Variants in SIK2 observed in about 807,000 individuals in gnomAD.
The protein encoded by SIK2 is serine/threonine-protein kinase SIK2.
SIK2 carries 29 observed loss-of-function variants against 103.2 expected under a neutral mutation model. That is an observed-to-expected ratio of 0.28 (90% CI 0.21 to 0.38). The LOEUF (loss-of-function observed/expected upper bound fraction) is 0.38, where lower values mean the gene tolerates loss of function less well. Ranked by LOEUF, SIK2 falls within the 10% of genes least tolerant of loss-of-function variation. The pLI is 1.00. For missense variants in SIK2, 879 were observed against 1,171.0 expected (o/e 0.75, Z 3.64); for synonymous variants, 412 against 446.1 (o/e 0.92, Z 0.96).
At chr11:111,698,120 A>G (rs558974273) in intron 4 of SIK2, among the ~76,000 whole-genome samples, 1 of 152,230 alleles carries the variant, frequency 6.6e-6, no homozygotes, top group Non-Finnish European at 1.5e-5. Context: ...GTTTCTTTTA[A>G]TATCCCTATA....
In SIK2 at chr11:111,720,955, G is replaced by A; in HGVS notation, c.1837G>A (p.Glu613Lys). The A allele has an allele frequency of 6.2e-7, 1 of 1,614,132 alleles. No homozygotes were observed. The highest frequency in any genetic ancestry group is 8.5e-7 in the Non-Finnish European group (1 of 1,180,016). ...QNLARTKGIL[E>K]LNKVQLLYEQ... is the part of the protein sequence containing the mutation. The stretch of plus-strand genomic sequence containing the variant: ...TCTGGCTAGAACCAAAGGAATTCTA[G>A]AGTTGAACAAAGTGCAGTTGTTGTA... The change falls in exon 12 of 15, where the codon GAG becomes AAG. Residue 613 changes from glutamate (E) to lysine (K), a missense_variant. This residue lies in a region of SIK2 where 375 missense variants were observed against 416.3 expected (regional missense o/e 0.90). Coordinates refer to ENST00000304987, the MANE Select transcript of SIK2 (RefSeq NM_015191.3).
intron 3 of SIK2, among the ~76,000 whole-genome samples, chr11:111,626,934 G>C (rs1056773958): frequency 6.6e-6 from 1 of 151,966 alleles, no homozygotes; most frequent in Admixed American, 6.6e-5. Flanking sequence ...TTTTCCATGT[G>C]GTCAGTTAAA....
intron 6 of SIK2, among the ~76,000 whole-genome samples, chr11:111,702,483 G>C (rs1943236965): frequency 6.6e-6 from 1 of 152,156 alleles, no homozygotes; most frequent in African/African-American, 2.4e-5. Context: ...TAGCTACTCA[G>C]GAAGCTGAGG....
At chr11:111,693,745 C>T (rs540087602) in intron 4 of SIK2, among the ~76,000 whole-genome samples, 9 of 152,116 alleles carry the variant, frequency 5.9e-5, no homozygotes, top group African/African-American at 1.9e-4. Flanking sequence ...AACCTTGGGC[C>T]GATTATTTAC....
At chr11:111,668,518 GCTATGACCAGTCACA>G (rs1942580390) in intron 3 of SIK2, among the ~76,000 whole-genome samples, 1 of 152,132 alleles carries the variant, frequency 6.6e-6, no homozygotes, top group South Asian at 2.1e-4. Context: ...TTAGGTCTGA[GCTATGACCAGTCACA>G]CTTCATTATA....
chr11:111,664,093 A>G (rs2135873806), intron 3 of SIK2, among the ~76,000 whole-genome samples: 1 of 152,350 alleles, frequency 6.6e-6, no homozygotes, highest in East Asian at 1.9e-4. Context: ...TCCAGCCAGT[A>G]AGTGCAAAAT....
At chr11:111,652,153 A>G (rs900113743) in intron 3 of SIK2, among the ~76,000 whole-genome samples, 13 of 152,248 alleles carry the variant, frequency 8.5e-5, no homozygotes, top group African/African-American at 3.1e-4. Context: ...ACATATATAC[A>G]TACATATATA....
intron 3 of SIK2, among the ~76,000 whole-genome samples, chr11:111,649,304 C>T (rs1942298325): frequency 6.6e-6 from 1 of 152,008 alleles, no homozygotes; most frequent in African/African-American, 2.4e-5. Flanking sequence ...CCACTGTGTC[C>T]TAAAATAATA....
intron 8 of SIK2, among the ~76,000 whole-genome samples, chr11:111,711,095 C>T (rs934953717): frequency 6.6e-6 from 1 of 151,702 alleles, no homozygotes; most frequent in African/African-American, 2.4e-5. Flanking sequence ...TGCCAATTGT[C>T]ATAAGGAAAA....
At chr11:111,704,191 T>A (rs1022875966) in intron 7 of SIK2, among the ~76,000 whole-genome samples, 1 of 152,196 alleles carries the variant, frequency 6.6e-6, no homozygotes, top group Non-Finnish European at 1.5e-5. Context: ...AGTGATGTTT[T>A]TCTGTACTTG....
chr11:111,671,621 T>C, intron 3 of SIK2: 1 of 348,292 alleles, frequency 2.9e-6, no homozygotes, highest in South Asian at 2.8e-5. Flanking sequence ...ATGCTGTCCA[T>C]GTCCAGGGAG....
chr11:111,720,758 C>A lies in SIK2; in HGVS notation c.1776C>A (p.Thr592=). The A allele has an allele frequency of 1.3e-6, 2 of 1,585,554 alleles. No homozygotes were observed. The highest frequency in any genetic ancestry group is 1.7e-6 in the Non-Finnish European group (2 of 1,166,506). ...EGRRASDTSL[T]QGIVAFRQHL... ...GCAGAGCATCAGATACCTCCCTCAC[C>A]CAGGGTGAGCACTTCCTCCTCTGCT... The change falls in exon 11 of 15, where the codon ACC becomes ACA. Residue 592 remains threonine (T), a synonymous_variant. Coordinates refer to ENST00000304987, the MANE Select transcript of SIK2 (RefSeq NM_015191.3).
At chr11:111,685,345 C>G (rs998881372) in intron 3 of SIK2, among the ~76,000 whole-genome samples, 1 of 152,198 alleles carries the variant, frequency 6.6e-6, no homozygotes, top group Admixed American at 6.5e-5. Context: ...GTCCGTGACC[C>G]AGGGGTTGAG....
At chr11:111,711,854 A>G (rs960143891) in intron 8 of SIK2, among the ~76,000 whole-genome samples, 3 of 152,190 alleles carry the variant, frequency 2.0e-5, no homozygotes, top group Non-Finnish European at 4.4e-5. Context: ...TCTATTCTTT[A>G]TCTGTCTGGG....
Position 111,705,073 on chromosome 11 carries a change from A to C in SIK2, c.1035A>C (p.Pro345=). 1 of 1,608,702 alleles carries C rather than the reference A, an allele frequency of 6.2e-7. No homozygotes were observed. The highest frequency in any genetic ancestry group is 1.1e-5 in the South Asian group (1 of 89,650). The change falls in exon 8 of 15, where the codon CCA becomes CCC. Residue 345 remains proline (P), a synonymous_variant. Coordinates refer to ENST00000304987, the MANE Select transcript of SIK2 (RefSeq NM_015191.3). This position sits in a 1 kb window ranked among gnomAD's most constrained non-coding sequence, Gnocchi z 4.3. ...TGAAATCACATCGGAGCAGTTTCCC[A>C]GTGGAGCAGAGACTTGATGGCCGCC... The part of the protein sequence containing the change: ...ERLKSHRSSF[P]VEQRLDGRQR...
chr11:111,719,565 G>A (rs1267783018), intron 9 of SIK2, among the ~76,000 whole-genome samples: 3 of 152,174 alleles, frequency 2.0e-5, no homozygotes, highest in Non-Finnish European at 4.4e-5. Flanking sequence ...GCCAGTTTGG[G>A]TCATCATGGG....
chr11:111,717,737 A>G (rs539618541), intron 9 of SIK2, among the ~76,000 whole-genome samples: 1 of 152,372 alleles, frequency 6.6e-6, no homozygotes, highest in East Asian at 1.9e-4. Flanking sequence ...TGTGGTACAT[A>G]TACACCATGG....
Position 111,705,059 on chromosome 11 carries a change from C to A in SIK2, c.1021C>A (p.Arg341=). Residue 341 remains arginine, a synonymous_variant, in exon 8 of 15, where the codon CGG becomes AGG. Transcript: ENST00000304987. This position sits in a 1 kb window ranked among gnomAD's most constrained non-coding sequence, Gnocchi z 4.3. ...FLLVERLKSH[R]SSFPVEQRLD... is the part of the protein sequence containing the mutation. ...GTTGGTGGAGCGCCTGAAATCACAT[C>A]GGAGCAGTTTCCCAGTGGAGCAGAG... The A allele has an allele frequency of 6.2e-7, 1 of 1,611,270 alleles. No individual in the cohort carries two copies. The highest frequency in any genetic ancestry group is 8.5e-7 in the Non-Finnish European group (1 of 1,179,110).
chr11:111,662,412 T>C (rs947496629), intron 3 of SIK2, among the ~76,000 whole-genome samples: 1 of 152,056 alleles, frequency 6.6e-6, no homozygotes, highest in African/African-American at 2.4e-5. Flanking sequence ...CAGACACATA[T>C]ATAAAATGGC....
Sources: allele counts gnomAD v4.1 joint callset (sites outside exome capture counted in the v4.1 genomes callset), GRCh38; gene constraint gnomAD v4.1.1; regional missense constraint gnomAD v4.1.1; non-coding constraint Gnocchi (gnomAD v3.1); transcripts MANE v1.5; gene names NCBI Gene and HGNC (gene_info 2026-07-23, HGNC 2026-07-21).